The following ERO1A variants were observed in gnomAD, a reference collection of about 807,000 sequenced individuals.
The protein encoded by ERO1A is ERO1-like protein alpha.
A neutral mutation model predicts 76.9 loss-of-function variants in ERO1A; 49 were observed. The ratio of observed to expected loss-of-function variants is 0.64; its 90% confidence interval spans 0.51 to 0.81. The LOEUF is 0.81. Ranked by LOEUF, ERO1A falls within the 30% of genes least tolerant of loss-of-function variation. The pLI is 0.00. For missense variants in ERO1A, 448 were observed against 542.1 expected (o/e 0.83, Z 1.72); for synonymous variants, 174 against 181.2 (o/e 0.96, Z 0.32).
intron 4 of ERO1A, among the ~76,000 whole-genome samples, chr14:52,675,067 G>A (rs566073159): frequency 6.6e-6 from 1 of 152,284 alleles, no homozygotes; most frequent in African/African-American, 2.4e-5. Context: ...GAACAGACAT[G>A]TGGTAAAGTG....
rs1002680196 is a variant in ERO1A, at chr14:52,683,692, T to G, written c.234+96A>C. On this transcript the variant is annotated intron_variant, in intron 2 of 15. Coordinates refer to ENST00000395686, the MANE Select transcript of ERO1A (RefSeq NM_014584.3). ...TTCTTAATAAAGCCTATATCAATTT[T>G]AAATAACAACTACAATTTTGAAGCT... 2.6e-5 allele frequency: 15 copies of G among 566,490 alleles called. No individual in the cohort carries two copies. The South Asian group carries it at 6.8e-4, about 26-fold the overall frequency. 35.1% of individuals were successfully genotyped at this position (566,490 alleles called of 1,614,324 possible). A position where few individuals can be genotyped will look rare whatever the true frequency, so the allele number is the denominator to read the frequency against.
intron 8 of ERO1A, among the ~76,000 whole-genome samples, chr14:52,662,561 G>T (rs976426541): frequency 1.3e-5 from 2 of 152,154 alleles, no homozygotes; most frequent in African/African-American, 4.8e-5. Context: ...AGAGAATAAG[G>T]ATACATAATT....
At position 52,652,264 on chromosome 14, in the gene ERO1A, TC is replaced by T. The variant is rs1221365146; in HGVS notation, c.1099del (p.Asp367IlefsTer8). On this transcript the variant is annotated frameshift_variant, in exon 13 of 16. Coordinates refer to ENST00000395686, the MANE Select transcript of ERO1A (RefSeq NM_014584.3). LOFTEE classifies it high-confidence loss of function. ...CTTTAGTTTGTGTGCTTCTTTTTTA[TC>T]CCCAGCAAAAAATGAATTCTCATCA... Reference protein sequence around the residue: ...HFDENSFFAGDKKEAHKLKED... With the variant: ...HFDENSFFAGXKKEAHKLKED... 1 of 1,609,610 alleles carries T rather than the reference TC, an allele frequency of 6.2e-7. No individual in the cohort carries two copies. Among genetic ancestry groups the T allele is most frequent in the Admixed American group, 1.7e-5 (1 of 59,962 alleles).
intron 13 of ERO1A, among the ~76,000 whole-genome samples, chr14:52,650,554 T>G (rs1375033925): frequency 6.6e-6 from 1 of 151,974 alleles, no homozygotes; most frequent in East Asian, 1.9e-4. Context: ...ATATATGATT[T>G]CATATGTACA....
Position 52,682,335 on chromosome 14 carries a change from G to T in ERO1A, c.308C>A (p.Pro103Gln). Residue 103 changes from proline (P) to glutamine (Q), a missense_variant, in exon 3 of 16, where the codon CCA becomes CAA. By Grantham distance (76) the Pro-to-Gln change is moderately conservative (BLOSUM62 -1). This residue lies in a region of ERO1A where 146 missense variants were observed against 130.2 expected (regional missense o/e 1.12). Coordinates refer to ENST00000395686, the MANE Select transcript of ERO1A (RefSeq NM_014584.3). Reference protein sequence around the residue: ...QCGRRDCAVKPCQSDEVPDGI... With the variant: ...QCGRRDCAVKQCQSDEVPDGI... ...ATACATGGTTCTTACAGATTGACAT[G>T]GTTTGACAGCACAGTCCCTTCTTCC... 1 of 1,607,614 alleles carries T rather than the reference G, an allele frequency of 6.2e-7. No individual in the cohort carries two copies. The highest frequency in any genetic ancestry group is 8.5e-7 in the Non-Finnish European group (1 of 1,175,620).
At chr14:52,659,733 A>C (rs2040168115) in intron 9 of ERO1A, among the ~76,000 whole-genome samples, 1 of 151,298 alleles carries the variant, frequency 6.6e-6, no homozygotes, top group African/African-American at 2.4e-5. Context: ...TTTGATCATG[A>C]ATTAGGGAGT....
chr14:52,674,480 C>T (rs2040716047), intron 4 of ERO1A, among the ~76,000 whole-genome samples: 1 of 152,168 alleles, frequency 6.6e-6, no homozygotes, highest in African/African-American at 2.4e-5. Flanking sequence ...ATTACACAGG[C>T]ATGAGCCACT....
rs756064315 is a variant in ERO1A at position 52,695,350 on chromosome 14, A to G, written c.114+18T>C. 2 of 1,417,672 alleles carry G rather than the reference A, an allele frequency of 1.4e-6. No homozygotes were observed. Among genetic ancestry groups the G allele is most frequent in the East Asian group, 2.9e-5 (1 of 34,464 alleles). The allele number at this position is 1,417,672 out of a possible 1,614,324, so 87.8% of individuals were successfully genotyped here. On this transcript the variant is annotated intron_variant, in intron 1 of 15. Transcript: ENST00000395686. ...GGAGGGCGCCGGGACCCTCAGCACCAACGCGCACATCGCTCACCTGGCAGA... is the reference window on the plus strand; with the variant it reads ...GGAGGGCGCCGGGACCCTCAGCACCGACGCGCACATCGCTCACCTGGCAGA...
In ERO1A at chr14:52,661,282, A is replaced by G; in HGVS notation, c.688+11T>C. The G allele has an allele frequency of 8.3e-7, 1 of 1,206,946 alleles. No individual in the cohort carries two copies. Among genetic ancestry groups the G allele is most frequent in the South Asian group, 1.7e-5 (1 of 57,518 alleles). The allele number at this position is 1,206,946 out of a possible 1,614,324, so 74.8% of individuals were successfully genotyped here. On this transcript the variant is annotated intron_variant, in intron 9 of 15. Transcript: ENST00000395686. ...AATTCATATATGTAATATATAATAA[A>G]TTATACTTACCTTCACTTGTCCCTG...
At position 52,647,635 on chromosome 14, in the gene ERO1A, C is replaced by T. The variant is rs190731654; in HGVS notation, c.1126-1174G>A. Among the ~76,000 whole-genome samples, 393 of 152,126 alleles carry T rather than the reference C, an allele frequency of 2.6e-3. 2 individuals are homozygous for T. Among genetic ancestry groups the T allele is most frequent in the African/African-American group, 9.1e-3 (377 of 41,480 alleles). On this transcript the variant is annotated intron_variant, in intron 13 of 15. Coordinates refer to ENST00000395686, the MANE Select transcript of ERO1A (RefSeq NM_014584.3). ...CATTTATAATAGGGCGACATGCATC[C>T]AGCTAATCTAAACATAGTATATGTC...
chr14:52,663,131 T>C (rs1226995736), intron 8 of ERO1A, among the ~76,000 whole-genome samples: 1 of 152,156 alleles, frequency 6.6e-6, no homozygotes, highest in African/African-American at 2.4e-5. Context: ...TGAAATCAGA[T>C]GCCCAATATT....
At chr14:52,661,134 C>T (rs2040219251) in intron 9 of ERO1A, among the ~76,000 whole-genome samples, 159 bp downstream of exon 9, 1 of 152,106 alleles carries the variant, frequency 6.6e-6, no homozygotes, top group African/African-American at 2.4e-5. Context: ...AGTCACTTTC[C>T]CTTAATCTGT....
intron 7 of ERO1A, 39 bp downstream of exon 7, chr14:52,666,336 C>A: frequency 7.0e-7 from 1 of 1,431,592 alleles, no homozygotes; most frequent in Non-Finnish European, 9.6e-7. Context: ...GAAATCACCA[C>A]ATCTTATAGG....
chr14:52,666,325 A>C (rs1417104737), intron 7 of ERO1A, 50 bp downstream of exon 7: 1 of 1,322,870 alleles, frequency 7.6e-7, no homozygotes, highest in Non-Finnish European at 1.1e-6. Context: ...GTTTATAAAG[A>C]GAAATCACCA....
At chr14:52,663,665 G>T in intron 8 of ERO1A, 136 bp downstream of exon 8, 1 of 530,388 alleles carries the variant, frequency 1.9e-6, no homozygotes, top group Non-Finnish European at 3.4e-6. Flanking sequence ...CTGCAAGCGT[G>T]AGGCATAACT....
intron 1 of ERO1A, among the ~76,000 whole-genome samples, chr14:52,684,719 C>T (rs1333864006): frequency 1.3e-5 from 2 of 152,148 alleles, no homozygotes; most frequent in African/African-American, 2.4e-5. Context: ...ATGGTATGTA[C>T]TAAATCAAGC....
intron 9 of ERO1A, among the ~76,000 whole-genome samples, chr14:52,659,694 A>C (rs2040167052): frequency 6.6e-6 from 1 of 152,104 alleles, no homozygotes; most frequent in Admixed American, 6.5e-5. Context: ...TTTCCTTATA[A>C]AAATTTTCAA....
chr14:52,646,213 A>C lies in ERO1A; in HGVS notation c.1287T>G (p.Pro429=), dbSNP rs778447181. The change falls in exon 15 of 16, where the codon CCT becomes CCG. Residue 429 remains proline, a synonymous_variant. Coordinates refer to ENST00000395686, the MANE Select transcript of ERO1A (RefSeq NM_014584.3). ...KLIANMPESG[P]SYEFHLTRQE... is the part of the protein sequence containing the mutation. ...GTCTGGTTAGATGGAATTCATAACT[A>C]GGTCCACTTTCTGGCATATTTGCTA... 4.3e-6 allele frequency: 7 copies of C among 1,613,850 alleles called. No individual in the cohort carries two copies. The East Asian group carries it at 1.6e-4, about 36-fold the overall frequency.
At chr14:52,678,715 T>A (rs1296544041) in intron 3 of ERO1A, among the ~76,000 whole-genome samples, 2 of 152,230 alleles carry the variant, frequency 1.3e-5, no homozygotes, top group African/African-American at 4.8e-5. Flanking sequence ...AATAATCATT[T>A]AGCCATTATC....
Sources: allele counts gnomAD v4.1 joint callset (sites outside exome capture counted in the v4.1 genomes callset), GRCh38; gene constraint gnomAD v4.1.1; regional missense constraint gnomAD v4.1.1; transcripts MANE v1.5; gene names NCBI Gene and HGNC (gene_info 2026-07-23, HGNC 2026-07-21).